Variants in CDH20 observed in about 807,000 individuals in gnomAD.
CDH20 encodes cadherin 20.
A neutral mutation model predicts 74.2 loss-of-function variants in CDH20; 29 were observed. The ratio of observed to expected loss-of-function variants is 0.39; its 90% CI spans 0.29 to 0.53. The LOEUF is 0.53. Ranked by LOEUF, CDH20 falls within the 20% of genes least tolerant of loss-of-function variation. CDH20 has a pLI of 0.69. For synonymous variants in CDH20, 469 were observed against 405.4 expected (o/e 1.16, Z -1.88); for missense variants, 988 against 1,048.3 (o/e 0.94, Z 0.79).
intron 7 of CDH20, among the ~76,000 whole-genome samples, chr18:61,535,720 T>A (rs1417794515): frequency 1.3e-5 from 2 of 152,222 alleles, no homozygotes; most frequent in Admixed American, 6.5e-5. Context: ...TGGTCCAGAC[T>A]GAACATGAAA....
chr18:61,386,863 GAA>G (rs1016690164), intron 1 of CDH20, among the ~76,000 whole-genome samples: 2 of 152,140 alleles, frequency 1.3e-5, no homozygotes, highest in Non-Finnish European at 2.9e-5. Flanking sequence ...TATATTAAGA[GAA>G]AAAGATTGAA....
intron 6 of CDH20, among the ~76,000 whole-genome samples, chr18:61,526,642 C>T (rs1400305179): frequency 6.6e-6 from 1 of 151,738 alleles, no homozygotes; most frequent in Non-Finnish European, 1.5e-5. Context: ...GATTAGTCTT[C>T]AGAAATAGCA....
At chr18:61,515,014 G>A (rs1911937599) in intron 6 of CDH20, among the ~76,000 whole-genome samples, 1 of 152,028 alleles carries the variant, frequency 6.6e-6, no homozygotes, top group Non-Finnish European at 1.5e-5. Context: ...TCCTTGAGCT[G>A]TGGTGGGCTC....
At chr18:61,340,074 C>G (rs1909896818) in intron 1 of CDH20, among the ~76,000 whole-genome samples, 1 of 152,068 alleles carries the variant, frequency 6.6e-6, no homozygotes, top group Admixed American at 6.5e-5. Context: ...CAACATCTGG[C>G]AGGATAACAA....
intron 1 of CDH20, among the ~76,000 whole-genome samples, chr18:61,431,843 G>T (rs1285917376): frequency 6.6e-6 from 1 of 151,938 alleles, no homozygotes; most frequent in African/African-American, 2.4e-5. Context: ...GAATTATCTG[G>T]CCACGTGGGT....
intron 1 of CDH20, among the ~76,000 whole-genome samples, chr18:61,405,772 T>G (rs2144236090): frequency 6.6e-6 from 1 of 152,292 alleles, no homozygotes. Flanking sequence ...AATCTGAAAC[T>G]TCTAGGATGA....
chr18:61,342,468 C>A (rs560629102), intron 1 of CDH20, among the ~76,000 whole-genome samples: 35 of 152,324 alleles, frequency 2.3e-4, no homozygotes, highest in African/African-American at 7.9e-4. Flanking sequence ...CCACTCAGTT[C>A]TACTGCTTCC....
At chr18:61,447,067 T>C (rs938658995) in intron 1 of CDH20, among the ~76,000 whole-genome samples, 17 of 152,232 alleles carry the variant, frequency 1.1e-4, no homozygotes, top group African/African-American at 3.9e-4. Context: ...GAATGCAAAG[T>C]AGTTCTATAT....
intron 9 of CDH20, among the ~76,000 whole-genome samples, chr18:61,543,767 T>C (rs1257322178): frequency 6.6e-6 from 1 of 152,190 alleles, no homozygotes; most frequent in Non-Finnish European, 1.5e-5. Flanking sequence ...TCTGTTAACC[T>C]GACATGGCCA....
chr18:61,427,928 T>G lies in CDH20; in HGVS notation c.-152-62474T>G, dbSNP rs546895050. Among the ~76,000 whole-genome samples the G allele has an allele frequency of 9.2e-5, 14 of 152,326 alleles. No individual in the cohort carries two copies. The East Asian group carries it at 2.5e-3, about 27-fold the overall frequency. ...CCAGGTTTATGTTAGACATCTTCCATTCACCTACAAGCATTTGCTGAGCAC... is the reference window on the plus strand; with the variant it reads ...CCAGGTTTATGTTAGACATCTTCCAGTCACCTACAAGCATTTGCTGAGCAC... On this transcript the variant is annotated intron_variant, in intron 1 of 11. Coordinates refer to ENST00000262717, the MANE Select transcript of CDH20 (RefSeq NM_031891.4).
chr18:61,528,375 C>G (rs1429125966), intron 7 of CDH20, among the ~76,000 whole-genome samples, 155 bp downstream of exon 7: 2 of 148,146 alleles, frequency 1.4e-5, no homozygotes, highest in East Asian at 2.0e-4. Context: ...TTTTTTTTCC[C>G]TTAAATAACA....
At chr18:61,475,255 G>C (rs956859338) in intron 1 of CDH20, among the ~76,000 whole-genome samples, 3 of 152,178 alleles carry the variant, frequency 2.0e-5, no homozygotes, top group African/African-American at 7.2e-5. Flanking sequence ...GGTAGAATTT[G>C]ACAGGTCTAA....
At chr18:61,386,357 ACT>A (rs1237078482) in intron 1 of CDH20, among the ~76,000 whole-genome samples, 1 of 152,068 alleles carries the variant, frequency 6.6e-6, no homozygotes, top group East Asian at 1.9e-4. Flanking sequence ...TGAGAGAGAC[ACT>A]CTCACCCTTC....
At chr18:61,435,936 C>A (rs1490575680) in intron 1 of CDH20, among the ~76,000 whole-genome samples, 2 of 152,098 alleles carry the variant, frequency 1.3e-5, no homozygotes, top group Non-Finnish European at 2.9e-5. Flanking sequence ...CATTTCTGCA[C>A]ACTCGCCACC....
chr18:61,535,929 A>G lies in CDH20; in HGVS notation c.1272-564A>G, dbSNP rs986905659. On this transcript the variant is annotated intron_variant, in intron 7 of 11. Coordinates refer to ENST00000262717, the MANE Select transcript of CDH20 (RefSeq NM_031891.4). ...CGGTCCATCCTGCTAAAAGCATACC[A>G]CAGTTAAGGACTCTCCAGCTAGCAA... Among the ~76,000 whole-genome samples the G allele has an allele frequency of 5.3e-5, 8 of 152,252 alleles. 1 individual carries two copies. The South Asian group carries it at 1.7e-3, about 32-fold the overall frequency.
At chr18:61,510,978 TTC>T (rs1442304480) in intron 6 of CDH20, among the ~76,000 whole-genome samples, 18 of 10,706 alleles carry the variant, frequency 1.7e-3, no homozygotes, top group Non-Finnish European at 2.6e-3. Context: ...CTTTCTTTCT[TTC>T]TTTTTTTTTT....
At chr18:61,400,070 G>T (rs1912107108) in intron 1 of CDH20, among the ~76,000 whole-genome samples, 1 of 152,084 alleles carries the variant, frequency 6.6e-6, no homozygotes, top group Non-Finnish European at 1.5e-5. Flanking sequence ...AGTCTTTGTT[G>T]GTCTTAATTA....
At chr18:61,528,336 C>G (rs1220423269) in intron 7 of CDH20, 116 bp downstream of exon 7, 12 of 1,076,724 alleles carry the variant, frequency 1.1e-5, no homozygotes, top group African/African-American at 3.2e-5. Context: ...TCTGGAGACT[C>G]TCCTCTTTGA....
At chr18:61,488,850 C>G (rs1910858913) in intron 1 of CDH20, among the ~76,000 whole-genome samples, 1 of 152,212 alleles carries the variant, frequency 6.6e-6, no homozygotes, top group South Asian at 2.1e-4. Flanking sequence ...CCAAACACCT[C>G]CCTGTAGACA....
Sources: gnomAD v4.1 joint callset for allele counts (sites outside exome capture counted in the v4.1 genomes callset) on GRCh38, gnomAD v4.1.1 for gene constraint, MANE v1.5 for transcripts, NCBI Gene and HGNC (gene_info 2026-07-23, HGNC 2026-07-21) for gene names.